PRSS55: variants seen among roughly 807,000 people sequenced by gnomAD.
The protein encoded by PRSS55 is probable serine protease UNQ9391/PRO34284.
Under a neutral mutation model 23.6 loss-of-function variants are expected in PRSS55, and 41 were observed. That is an observed-to-expected ratio of 1.74 (90% CI 1.35 to 2.26). The LOEUF (loss-of-function observed/expected upper bound fraction) is 2.26. Among genes scored for constraint, PRSS55 ranks in the 30% most tolerant of loss-of-function variants. The pLI is 0.00. For missense variants in PRSS55, 669 were observed against 439.1 expected (o/e 1.52, Z -4.68); for synonymous variants, 262 against 175.5 (o/e 1.49, Z -3.90).
chr8:10,538,451 G>C (rs769340092), intron 4 of PRSS55, 25 bp from the exon 5 acceptor site: 71 of 1,573,636 alleles, frequency 4.5e-5, no homozygotes, highest in Non-Finnish European at 4.8e-5. Flanking sequence ...CGGACTCCCT[G>C]CTGAGCTGTG....
chr8:10,545,385 G>C (rs974760553), intron 4 of PRSS55, among the ~76,000 whole-genome samples: 1 of 151,998 alleles, frequency 6.6e-6, no homozygotes, highest in African/African-American at 2.4e-5. Context: ...TGGAGAGATG[G>C]GGTCTCACCA....
chr8:10,547,761 G>C (rs1020267480), intron 4 of PRSS55, among the ~76,000 whole-genome samples: 1 of 143,374 alleles, frequency 7.0e-6, no homozygotes, highest in Non-Finnish European at 1.5e-5. Context: ...AGTCTTGGTG[G>C]CTTGTTCCGG....
Position 10,538,679 on chromosome 8 carries a change from C to G in PRSS55, c.945C>G (p.Val315=), listed in dbSNP as rs1423256417. 5.6e-6 allele frequency: 9 copies of G among 1,614,058 alleles called. No individual in the cohort carries two copies. Among genetic ancestry groups the G allele is most frequent in the Non-Finnish European group, 7.6e-6 (9 of 1,180,032 alleles). ...ATGCAGAGAAAAGGAGGACTTCTGT[C>G]AAACAGAAACCTATGGGCTCCCCAG... ...PFNAEKRRTS[V]KQKPMGSPVS... is the part of the protein sequence containing the mutation. Residue 315 remains valine, a synonymous_variant, in exon 5 of 5, where the codon GTC becomes GTG. Transcript: ENST00000328655.
intron 4 of PRSS55, among the ~76,000 whole-genome samples, chr8:10,536,845 T>C (rs1026877554): frequency 2.0e-5 from 3 of 152,144 alleles, no homozygotes; most frequent in South Asian, 2.1e-4. Context: ...AGGGGAACAA[T>C]AGACACCAGG....
intron 1 of PRSS55, 99 bp downstream of exon 1, chr8:10,525,838 G>A (rs944728999): frequency 4.7e-6 from 6 of 1,286,820 alleles, no homozygotes; most frequent in African/African-American, 2.9e-5. Flanking sequence ...GAGCTCCAGG[G>A]CTCCCCACAT....
chr8:10,529,689 G>A lies in PRSS55; in HGVS notation c.337G>A (p.Glu113Lys), dbSNP rs376437843. Residue 113 changes from glutamate to lysine, a missense_variant, in exon 2 of 5, where the codon GAG (glutamate) becomes AAG (lysine). By Grantham distance (56) the Glu-to-Lys change is moderately conservative. Transcript: ENST00000328655. Reference sequence around the variant, plus strand: ...CACTGCGGCTCACTGCTTATATTCCGAGGAGCTGTTGTAAGTACCATGGGC... The same window carrying A: ...CACTGCGGCTCACTGCTTATATTCCAAGGAGCTGTTGTAAGTACCATGGGC... Reference protein sequence around the residue: ...ILTAAHCLYSEELFPEELSVV... With the variant: ...ILTAAHCLYSKELFPEELSVV... 1.7e-5 allele frequency: 28 copies of A among 1,613,472 alleles called. No homozygotes were observed. Among genetic ancestry groups the A allele is most frequent in the East Asian group, 6.7e-5 (3 of 44,854 alleles).
intron 4 of PRSS55, among the ~76,000 whole-genome samples, chr8:10,552,423 T>C (rs13260199): frequency 0.26 from 39,100 of 152,060 alleles, 5,338 homozygotes; most frequent in Middle Eastern, 0.32. Flanking sequence ...ATCAGACAAA[T>C]GGGGTTGCAC....
chr8:10,533,079 A>G, intron 4 of PRSS55, 31 bp downstream of exon 4: 2 of 1,612,526 alleles, frequency 1.2e-6, no homozygotes, highest in Non-Finnish European at 1.7e-6. Context: ...CTCACCTTAT[A>G]GGTCCTCACC....
At position 10,529,695 on chromosome 8, in the gene PRSS55, C is replaced by G. The variant is rs780391536; in HGVS notation, c.343C>G (p.Leu115Val). The stretch of plus-strand genomic sequence containing the variant: ...GGCTCACTGCTTATATTCCGAGGAG[C>G]TGTTGTAAGTACCATGGGCCTCCCA... Reference protein sequence around the residue: ...TAAHCLYSEELFPEELSVVLG... With the variant: ...TAAHCLYSEEVFPEELSVVLG... Residue 115 changes from leucine to valine, a missense_variant, in exon 2 of 5, where the codon CTG (leucine) becomes GTG (valine). Transcript: ENST00000328655. 1.4e-5 allele frequency: 23 copies of G among 1,612,778 alleles called. No homozygotes were observed. The Admixed American group carries it at 2.5e-4, about 18-fold the overall frequency.
chr8:10,525,856 C>T, intron 1 of PRSS55, 117 bp downstream of exon 1: 1 of 1,044,072 alleles, frequency 9.6e-7, no homozygotes, highest in Non-Finnish European at 1.4e-6. Flanking sequence ...CATACCCCTT[C>T]TCCAAACCAC....
At chr8:10,542,434 AAG>A (rs1812684570), downstream of PRSS55, among the ~76,000 whole-genome samples, 2 of 151,982 alleles carry the variant, frequency 1.3e-5, no homozygotes, top group African/African-American at 4.8e-5. Context: ...AAAAAAAAAA[AAG>A]CTAAGACAAT....
At chr8:10,548,381 G>A (rs1812871698) in intron 4 of PRSS55, among the ~76,000 whole-genome samples, 1 of 152,166 alleles carries the variant, frequency 6.6e-6, no homozygotes. Flanking sequence ...TTCCCTGAGA[G>A]CTGGCTGGAG....
At chr8:10,530,212 G>A (rs997130355) in intron 2 of PRSS55, among the ~76,000 whole-genome samples, 5 of 152,246 alleles carry the variant, frequency 3.3e-5, no homozygotes, top group Non-Finnish European at 7.3e-5. Context: ...GCTCACGCCT[G>A]TCATCCCAGC....
chr8:10,533,192 G>C, intron 4 of PRSS55, 144 bp downstream of exon 4: 1 of 888,606 alleles, frequency 1.1e-6, no homozygotes, highest in Non-Finnish European at 1.7e-6. Flanking sequence ...ATGAGAATGA[G>C]TATGTGGATT....
chr8:10,540,741 C>T (rs917850449), downstream of PRSS55: 6 of 152,286 alleles, frequency 3.9e-5, no homozygotes, highest in East Asian at 7.7e-4. Flanking sequence ...AGAAAAAAAG[C>T]TTCCTAGTTA....
At chr8:10,526,230 G>A (rs190861275) in intron 1 of PRSS55, among the ~76,000 whole-genome samples, 171 of 152,338 alleles carry the variant, frequency 1.1e-3, no homozygotes, top group Admixed American at 1.0e-2. Context: ...ACTGCTAGGG[G>A]TCGAGCATTT....
At chr8:10,526,469 G>T (rs1462709952) in intron 1 of PRSS55, among the ~76,000 whole-genome samples, 1 of 152,244 alleles carries the variant, frequency 6.6e-6, no homozygotes, top group Non-Finnish European at 1.5e-5. Flanking sequence ...CTTCAGTCCA[G>T]CCTAGGGTCC....
intron 1 of PRSS55, among the ~76,000 whole-genome samples, chr8:10,525,956 G>A (rs1457287372): frequency 6.6e-6 from 1 of 152,222 alleles, no homozygotes; most frequent in Admixed American, 6.5e-5. Flanking sequence ...TATCCTCAGA[G>A]GAATAGCAGG....
rs77828131 is a variant in PRSS55 at position 10,527,859 on chromosome 8, G to C, written c.155-1648G>C. On this transcript the variant is annotated intron_variant, in intron 1 of 4. Transcript: ENST00000328655. ...CGGTGCTTGCAAAGTGCTTGCAACAGTGCCTGACGCACAGTAAGCATCATA... is the reference window on the plus strand; with the variant it reads ...CGGTGCTTGCAAAGTGCTTGCAACACTGCCTGACGCACAGTAAGCATCATA... Among the ~76,000 whole-genome samples the C allele has an allele frequency of 5.3e-3, 807 of 152,364 alleles. 8 individuals carry two copies. Among genetic ancestry groups the C allele is most frequent in the African/African-American group, 0.019 (774 of 41,586 alleles).
Sources: allele counts gnomAD v4.1 joint callset (sites outside exome capture counted in the v4.1 genomes callset), GRCh38; gene constraint gnomAD v4.1.1; transcripts MANE v1.5; gene names NCBI Gene and HGNC (gene_info 2026-07-23, HGNC 2026-07-21).